Variants in ABCG2 observed in about 807,000 individuals in gnomAD.
ABCG2 encodes the protein ATP binding cassette subfamily G member 2 (JR blood group).
A neutral mutation model predicts 73.5 loss-of-function variants in ABCG2; 80 were observed. The ratio of observed to expected loss-of-function variants is 1.09; its 90% confidence interval spans 0.91 to 1.31. The LOEUF (loss-of-function observed/expected upper bound fraction) is 1.31, where lower values mean the gene tolerates loss of function less well. ABCG2 is among the 50% of genes most tolerant of loss of function. The pLI is 0.00. For missense variants in ABCG2, 796 were observed against 786.2 expected (o/e 1.01, Z -0.15); for synonymous variants, 269 against 282.4 (o/e 0.95, Z 0.48).
At chr4:88,150,815 C>T (rs1269582105) in intron 1 of ABCG2, among the ~76,000 whole-genome samples, 2 of 152,152 alleles carry the variant, frequency 1.3e-5, no homozygotes, top group Admixed American at 1.3e-4. Flanking sequence ...TGCAGGGAGA[C>T]CACATAAGAG....
chr4:88,131,217 A>C lies in ABCG2; in HGVS notation c.379-4T>G, dbSNP rs533974194. The C allele has an allele frequency of 1.9e-6, 3 of 1,613,774 alleles. No individual in the cohort carries two copies. In the East Asian group the frequency reaches 6.7e-5, roughly 36 times the overall value. ...GAGTGCCCATCACAACATCATCCTT[A>C]AGGCAAATAGCATTTTAATGAGACA... On this transcript the variant is annotated splice_region_variant and splice_polypyrimidine_tract_variant and intron_variant, in intron 4 of 15. Transcript: ENST00000237612.
rs45460598 is a variant in ABCG2, at chr4:88,101,215, C to G, written c.1367+15G>C. The G allele has an allele frequency of 2.5e-6, 4 of 1,613,066 alleles. No individual in the cohort carries two copies. Among genetic ancestry groups the G allele is most frequent in the South Asian group, 1.1e-5 (1 of 90,988 alleles). On this transcript the variant is annotated intron_variant, in intron 11 of 15. Transcript: ENST00000237612. ...CTGCTGGACAGCCCCGTTCCCAGAA[C>G]AAAGACCTACTCACATGAAGAGCTT...
intron 1 of ABCG2, among the ~76,000 whole-genome samples, chr4:88,190,135 T>G (rs1326631631): frequency 6.6e-6 from 1 of 152,166 alleles, no homozygotes; most frequent in Non-Finnish European, 1.5e-5. Flanking sequence ...CAAGAGTTGT[T>G]GTTTGTTGGG....
At chr4:88,212,264 T>C (rs750530308) in intron 1 of ABCG2, among the ~76,000 whole-genome samples, 5 of 152,158 alleles carry the variant, frequency 3.3e-5, no homozygotes, top group Non-Finnish European at 5.9e-5. Context: ...CCCCAGAAGA[T>C]CTCAGCTTTG....
chr4:88,215,039 C>T (rs1729759189), intron 1 of ABCG2, among the ~76,000 whole-genome samples: 1 of 152,034 alleles, frequency 6.6e-6, no homozygotes, highest in African/African-American at 2.4e-5. Context: ...TTTCAGTGAG[C>T]CATAATTATG....
Position 88,092,144 on chromosome 4 carries a change from A to ACTC in ABCG2, c.*89_*90insGAG. 8.3e-7 allele frequency: 1 copy of ACTC among 1,207,344 alleles called. No homozygotes were observed. The highest frequency in any genetic ancestry group is 1.2e-6 in the Non-Finnish European group (1 of 866,316). The allele number at this position is 1,207,344 out of a possible 1,614,324, so 74.8% of individuals were successfully genotyped here. On this transcript the variant is annotated 3_prime_UTR_variant, in exon 16 of 16. Transcript: ENST00000237612. ...TGTGCAACAGTGTGATGGCAAGGGAACAGAAAACAACAAAAAAACTTGATT... is the reference window on the plus strand; with the variant it reads ...TGTGCAACAGTGTGATGGCAAGGGAACTCCAGAAAACAACAAAAAAACTTGATT...
At position 88,092,268 on chromosome 4, in the gene ABCG2, T is replaced by C. The variant is rs543970372; in HGVS notation, c.1934A>G (p.Tyr645Cys). 50 of 1,610,976 alleles carry C rather than the reference T, an allele frequency of 3.1e-5. No individual in the cohort carries two copies. In the South Asian group the frequency reaches 5.1e-4, roughly 16 times the overall value. ...CMIVIFLTIA[Y>C]LKLLFLKKYS ...TTTTTTAAGAAATAACAATTTCAGG[T>C]AGGCAATTGTGAGGAAAATAACAAT... Residue 645 changes from tyrosine (Y) to cysteine (C), a missense_variant, in exon 16 of 16, where the codon TAC (tyrosine) becomes TGC (cysteine). By Grantham distance (194) the Tyr-to-Cys change is radical. Coordinates refer to ENST00000237612, the MANE Select transcript of ABCG2 (RefSeq NM_004827.3).
chr4:88,183,756 CA>C (rs556958786), intron 1 of ABCG2, among the ~76,000 whole-genome samples: 7,279 of 129,930 alleles, frequency 0.056, 206 homozygotes, highest in South Asian at 0.083. Context: ...AAAGACACAT[CA>C]AAAAAAAAAA....
chr4:88,133,107 C>T (rs191882420), intron 2 of ABCG2, among the ~76,000 whole-genome samples: 15 of 152,274 alleles, frequency 9.9e-5, no homozygotes, highest in Middle Eastern at 3.4e-3. Context: ...GAAACATCTC[C>T]GTTACACTTA....
rs868533190 is a variant in ABCG2, at chr4:88,144,390, C to T, written c.-19-4376G>A. On this transcript the variant is annotated intron_variant, in intron 1 of 15. Transcript: ENST00000237612. ...TGCTGCCTCTTTCGTGCTGGTCTACCTATGTCATTCATACCTCGCCTTTCT... is the reference window on the plus strand; with the variant it reads ...TGCTGCCTCTTTCGTGCTGGTCTACTTATGTCATTCATACCTCGCCTTTCT... 4.4e-4 allele frequency among the ~76,000 whole-genome samples: 66 copies of T among 151,692 alleles called. No individual in the cohort carries two copies. In the Middle Eastern group the frequency reaches 0.01, roughly 24 times the overall value.
chr4:88,095,173 A>G (rs1368498890), intron 14 of ABCG2, among the ~76,000 whole-genome samples: 2 of 152,110 alleles, frequency 1.3e-5, no homozygotes, highest in African/African-American at 4.8e-5. Context: ...TGCTCTTCTA[A>G]TTTTCCTTTC....
At chr4:88,192,545 G>A (rs924958013) in intron 1 of ABCG2, among the ~76,000 whole-genome samples, 6 of 147,356 alleles carry the variant, frequency 4.1e-5, no homozygotes, top group East Asian at 2.1e-4. Context: ...TCAGCCTCCC[G>A]AGTAGCTGGA....
At chr4:88,136,656 T>C (rs185302426) in intron 2 of ABCG2, among the ~76,000 whole-genome samples, 2 of 152,184 alleles carry the variant, frequency 1.3e-5, no homozygotes, top group Admixed American at 1.3e-4. Context: ...CAGTGAGCTA[T>C]GATCATGCCA....
At chr4:88,191,112 G>A (rs188028505) in intron 1 of ABCG2, among the ~76,000 whole-genome samples, 33 of 151,002 alleles carry the variant, frequency 2.2e-4, no homozygotes, top group Non-Finnish European at 4.6e-4. Context: ...AGGCATTGTG[G>A]AGGGTGCCTG....
At chr4:88,110,145 GAAT>G (rs1163505404) in intron 9 of ABCG2, among the ~76,000 whole-genome samples, 5 of 151,768 alleles carry the variant, frequency 3.3e-5, no homozygotes, top group East Asian at 1.9e-4. Context: ...AAAAAGTCAA[GAAT>G]AATAATATTT....
Position 88,099,421 on chromosome 4 carries a change from T to C in ABCG2, c.1395A>G (p.Arg465=), listed in dbSNP as rs1226763363. The change falls in exon 12 of 16, where the codon AGA becomes AGG. Residue 465 remains arginine, a synonymous_variant. Coordinates refer to ENST00000237612, the MANE Select transcript of ABCG2 (RefSeq NM_004827.3). The part of the protein sequence containing the change: ...FIHEYISGYY[R]VSSYFLGKLL... ...GTTTTCCAAGGAAATAAGATGACAC[T>C]CTGTAGTATCCGCTGATGTATTCAT... The C allele has an allele frequency of 1.9e-6, 3 of 1,609,542 alleles. No homozygotes were observed. The highest frequency in any genetic ancestry group is 1.3e-5 in the African/African-American group (1 of 74,840).
intron 1 of ABCG2, among the ~76,000 whole-genome samples, chr4:88,144,644 C>T (rs1006311908): frequency 1.3e-5 from 2 of 151,796 alleles, no homozygotes; most frequent in African/African-American, 2.4e-5. Context: ...TTAGTAGAGA[C>T]GAAGTTTCAC....
chr4:88,145,835 G>C (rs1725957020), intron 1 of ABCG2, among the ~76,000 whole-genome samples: 1 of 105,726 alleles, frequency 9.5e-6, no homozygotes, highest in Non-Finnish European at 2.2e-5. Flanking sequence ...AGCTACTCGG[G>C]ACGGCAGGAG....
intron 1 of ABCG2, among the ~76,000 whole-genome samples, chr4:88,212,039 A>C (rs1729621044): frequency 6.6e-6 from 1 of 152,194 alleles, no homozygotes; most frequent in Admixed American, 6.5e-5. Context: ...TCTATGTCCC[A>C]ATTTACACAT....
Sources: allele counts gnomAD v4.1 joint callset (sites outside exome capture counted in the v4.1 genomes callset), GRCh38; gene constraint gnomAD v4.1.1; transcripts MANE v1.5; gene names NCBI Gene and HGNC (gene_info 2026-07-23, HGNC 2026-07-21).